GPC5: variants seen among roughly 807,000 people sequenced by gnomAD.
GPC5 encodes glypican-5.
Under a neutral mutation model 53.9 loss-of-function variants are expected in GPC5, and 47 were observed. The observed-to-expected ratio is 0.87, with a 90% confidence interval of 0.69 to 1.11. GPC5 has a LOEUF of 1.11. Among genes scored for constraint, GPC5 ranks in the 50% most tolerant of loss-of-function variants. The pLI is 0.00. For synonymous variants in GPC5, 286 were observed against 263.3 expected, an observed-to-expected ratio of 1.09 and a Z score of -0.84; for missense variants, 748 against 713.1, an observed-to-expected ratio of 1.05 and a Z score of -0.56.
chr13:91,866,055 T>TG (rs2039080921), intron 5 of GPC5, among the ~76,000 whole-genome samples: 1 of 152,038 alleles, frequency 6.6e-6, no homozygotes, highest in Admixed American at 6.6e-5. Context: ...TTAGTAGAGA[T>TG]GGGGGTTTCT....
intron 3 of GPC5, among the ~76,000 whole-genome samples, chr13:91,713,461 C>T (rs989877419): frequency 6.6e-6 from 1 of 152,086 alleles, no homozygotes; most frequent in South Asian, 2.1e-4. Flanking sequence ...TGTCTTTTCT[C>T]CTTTCCTTTC....
chr13:92,378,879 T>G (rs2139303592), intron 7 of GPC5, among the ~76,000 whole-genome samples: 1 of 152,284 alleles, frequency 6.6e-6, no homozygotes, highest in Admixed American at 6.5e-5. Context: ...TCTTAAAGGT[T>G]TTTACTTGAT....
At chr13:91,669,492 G>C (rs776932644) in intron 2 of GPC5, among the ~76,000 whole-genome samples, 1 of 152,142 alleles carries the variant, frequency 6.6e-6, no homozygotes, top group Non-Finnish European at 1.5e-5. Context: ...CAACAGCTCT[G>C]CTTGTTAATT....
chr13:92,399,108 C>G (rs778161678), intron 7 of GPC5, among the ~76,000 whole-genome samples: 1 of 152,196 alleles, frequency 6.6e-6, no homozygotes, highest in Non-Finnish European at 1.5e-5. Context: ...CATTCACATT[C>G]AATATGCTTC....
intron 2 of GPC5, among the ~76,000 whole-genome samples, chr13:91,688,978 G>A (rs1199441104): frequency 6.6e-6 from 1 of 151,368 alleles, no homozygotes; most frequent in Non-Finnish European, 1.5e-5. Flanking sequence ...GGGCAACATA[G>A]CAAGACCCCA....
At chr13:92,764,197 G>T (rs1875301681) in intron 7 of GPC5, among the ~76,000 whole-genome samples, 1 of 152,222 alleles carries the variant, frequency 6.6e-6, no homozygotes, top group Non-Finnish European at 1.5e-5. Flanking sequence ...GGGGTAGATG[G>T]ACCAGCTCTG....
At chr13:91,890,814 G>A (rs1173537302) in intron 5 of GPC5, among the ~76,000 whole-genome samples, 1 of 152,106 alleles carries the variant, frequency 6.6e-6, no homozygotes, top group African/African-American at 2.4e-5. Flanking sequence ...TTTTTATCCT[G>A]TCATGCAAAA....
At chr13:91,766,981 T>C (rs9583965) in intron 5 of GPC5, among the ~76,000 whole-genome samples, 98 of 152,356 alleles carry the variant, frequency 6.4e-4, no homozygotes, top group African/African-American at 2.2e-3. Flanking sequence ...ATCATGTTAT[T>C]GTTAAATAAA....
At chr13:91,610,386 G>A (rs570367626) in intron 2 of GPC5, among the ~76,000 whole-genome samples, 8 of 152,076 alleles carry the variant, frequency 5.3e-5, no homozygotes, top group South Asian at 4.2e-4. Flanking sequence ...TTTTTCTTCC[G>A]TAGCTCATTT....
intron 7 of GPC5, chr13:92,240,719 G>T (rs1262343795): frequency 6.6e-6 from 1 of 152,236 alleles, no homozygotes; most frequent in Non-Finnish European, 1.5e-5. Flanking sequence ...GGCCAGGCTG[G>T]TCTTGAACTC....
In GPC5 at chr13:92,532,662, G is replaced by A. The variant is rs1008275443; in HGVS notation, c.1562-333620G>A. Among the ~76,000 whole-genome samples the A allele has an allele frequency of 3.3e-5, 5 of 151,912 alleles. 1 individual carries two copies. The highest frequency in any genetic ancestry group is 7.4e-5 in the Non-Finnish European group (5 of 67,976). ...TAATCTCTAAATCTGGCTTATTCAG[G>A]GATTTGTAAAATTATGGTAACATAG... On this transcript the variant is annotated intron_variant, in intron 7 of 7. Coordinates refer to ENST00000377067, the MANE Select transcript of GPC5 (RefSeq NM_004466.6).
intron 7 of GPC5, among the ~76,000 whole-genome samples, chr13:92,160,319 CTGT>C (rs1278342001): frequency 4.6e-5 from 7 of 152,196 alleles, no homozygotes; most frequent in Admixed American, 2.6e-4. Flanking sequence ...TCTGATATAG[CTGT>C]TGTTAACTGT....
chr13:92,722,756 T>C lies in GPC5; in HGVS notation c.1562-143526T>C, dbSNP rs368248879. 6.6e-5 allele frequency among the ~76,000 whole-genome samples: 10 copies of C among 151,926 alleles called. No homozygotes were observed. The East Asian group carries it at 1.4e-3, about 21-fold the overall frequency. On this transcript the variant is annotated intron_variant, in intron 7 of 7. Transcript: ENST00000377067. The stretch of plus-strand genomic sequence containing the variant: ...ACTCCAGAGTGTGATTGGGTAATTG[T>C]GCAAAGAAAAGTCAGGTTGTTTAGG...
rs371957931 is a variant in GPC5, at chr13:92,433,492, G to A, written c.1561+288503G>A. Among the ~76,000 whole-genome samples, 31 of 152,308 alleles carry A rather than the reference G, an allele frequency of 2.0e-4. No homozygotes were observed. The East Asian group carries it at 5.0e-3, about 25-fold the overall frequency. On this transcript the variant is annotated intron_variant, in intron 7 of 7. Transcript: ENST00000377067. ...ACTGATCTGAGAGTGGAATGCTTGA[G>A]ATTATAATGGCAGAGCTAGTGTTGT... is the stretch of plus-strand genomic sequence containing the variant.
rs186551578 is a variant in GPC5, at chr13:92,412,806, A to G, written c.1561+267817A>G. 3.5e-3 allele frequency among the ~76,000 whole-genome samples: 534 copies of G among 152,308 alleles called. 1 individual carries two copies. Among genetic ancestry groups the G allele is most frequent in the African/African-American group, 0.012 (488 of 41,562 alleles). The stretch of plus-strand genomic sequence containing the variant: ...TCTCTACTGAAATATCGATGTGTTT[A>G]TATAGATAGATACATTAATATCTAG... On this transcript the variant is annotated intron_variant, in intron 7 of 7. Coordinates refer to ENST00000377067, the MANE Select transcript of GPC5 (RefSeq NM_004466.6).
chr13:92,065,056 A>T (rs1425771657), intron 6 of GPC5, among the ~76,000 whole-genome samples: 2 of 152,184 alleles, frequency 1.3e-5, no homozygotes, highest in Admixed American at 1.3e-4. Context: ...AAGCTCTCAG[A>T]TCAGTGTTCT....
At chr13:91,946,893 C>T (rs2039979644) in intron 6 of GPC5, among the ~76,000 whole-genome samples, 1 of 152,032 alleles carries the variant, frequency 6.6e-6, no homozygotes, top group African/African-American at 2.4e-5. Context: ...AATTAAAGCA[C>T]ATTTTTTTTT....
intron 7 of GPC5, among the ~76,000 whole-genome samples, chr13:92,764,541 T>TTA (rs1875318822): frequency 6.6e-6 from 1 of 152,036 alleles, no homozygotes; most frequent in Non-Finnish European, 1.5e-5. Flanking sequence ...TCCAAGGTGG[T>TTA]TATGGGGGCT....
intron 7 of GPC5, among the ~76,000 whole-genome samples, chr13:92,776,490 C>T (rs79582824): frequency 1.3e-5 from 2 of 152,140 alleles, no homozygotes; most frequent in East Asian, 1.9e-4. Flanking sequence ...TCTGCAAAGT[C>T]CTTTATGTAA....
Sources: allele counts gnomAD v4.1 joint callset (sites outside exome capture counted in the v4.1 genomes callset), GRCh38; gene constraint gnomAD v4.1.1; transcripts MANE v1.5; gene names NCBI Gene and HGNC (gene_info 2026-07-23, HGNC 2026-07-21).